The following MMS22L variants were observed in gnomAD, a reference collection of about 807,000 sequenced individuals.
MMS22L encodes MMS22 like, DNA repair protein, also known as protein MMS22-like.
A neutral mutation model predicts 159.1 loss-of-function variants in MMS22L; 74 were observed. The ratio of observed to expected loss-of-function variants is 0.47; its 90% CI spans 0.39 to 0.56. The LOEUF (loss-of-function observed/expected upper bound fraction) is 0.56. MMS22L is among the 20% of genes least tolerant of loss of function. The pLI is 0.00. For synonymous variants in MMS22L, 517 were observed against 506.9 expected, an observed-to-expected ratio of 1.02 and a Z score of -0.27; for missense variants, 1,351 against 1,422.1, an observed-to-expected ratio of 0.95 and a Z score of 0.80.
In MMS22L at chr6:97,165,412, A is replaced by T; in HGVS notation, c.3055T>A (p.Leu1019Met). The change falls in exon 21 of 25, where the codon TTG (leucine) becomes ATG (methionine). Residue 1019 changes from leucine (L) to methionine (M), a missense_variant. Physicochemically the swap from Leu to Met is conservative, Grantham distance 15 (BLOSUM62 2). Coordinates refer to ENST00000683635, the MANE Select transcript of MMS22L (RefSeq NM_001350599.2). ...CCQSQNPNAYLNQLLGNVIEQ... is the reference protein window; with the variant it reads ...CCQSQNPNAYMNQLLGNVIEQ... ...ATAACATTCCCTAGCAATTGATTCA[A>T]ATAGGCATTCGGATTTTGAGATTGA... 1 of 1,613,200 alleles carries T rather than the reference A, an allele frequency of 6.2e-7. No individual in the cohort carries two copies. Among genetic ancestry groups the T allele is most frequent in the Non-Finnish European group, 8.5e-7 (1 of 1,179,564 alleles).
At chr6:97,209,909 A>G (rs1425274928) in intron 14 of MMS22L, among the ~76,000 whole-genome samples, 1 of 151,980 alleles carries the variant, frequency 6.6e-6, no homozygotes, top group Non-Finnish European at 1.5e-5. Context: ...GTAATTTAGT[A>G]AAATTTAATT....
intron 14 of MMS22L, among the ~76,000 whole-genome samples, chr6:97,206,997 A>G (rs1186556009): frequency 6.6e-6 from 1 of 152,158 alleles, no homozygotes; most frequent in African/African-American, 2.4e-5. Flanking sequence ...AAGACAAGTA[A>G]AGGCCAAATT....
intron 6 of MMS22L, chr6:97,272,176 A>C (rs1359477600): frequency 1.3e-5 from 2 of 152,214 alleles, no homozygotes; most frequent in Admixed American, 6.6e-5. Context: ...AGTTTTAAAA[A>C]CCAAACTTCA....
At chr6:97,224,714 T>C (rs540442634) in intron 14 of MMS22L, among the ~76,000 whole-genome samples, 1 of 152,004 alleles carries the variant, frequency 6.6e-6, no homozygotes, top group Admixed American at 6.6e-5. Flanking sequence ...AGTTTGCAGA[T>C]TTCATTCATT....
intron 19 of MMS22L, among the ~76,000 whole-genome samples, chr6:97,169,957 A>G (rs1442242365): frequency 6.6e-6 from 1 of 152,104 alleles, no homozygotes; most frequent in East Asian, 1.9e-4. Flanking sequence ...GGATACCAAT[A>G]AGATATTTTG....
chr6:97,231,664 G>GAAA lies in MMS22L; in HGVS notation c.1303-15_1303-13dup. ...CTGAAGGAACTATTCTAAAAGGGGGGAAAAAAAAGATAGAAAACAATTATT... is the reference window on the plus strand; with the variant it reads ...CTGAAGGAACTATTCTAAAAGGGGGGAAAAAAAAAAAGATAGAAAACAATTATT... On this transcript the variant is annotated splice_polypyrimidine_tract_variant and intron_variant, in intron 12 of 24. Coordinates refer to ENST00000683635, the MANE Select transcript of MMS22L (RefSeq NM_001350599.2). 6.6e-7 allele frequency: 1 copy of GAAA among 1,511,894 alleles called. No homozygotes were observed. The highest frequency in any genetic ancestry group is 1.8e-5 in the Admixed American group (1 of 55,776). The allele number at this position is 1,511,894 out of a possible 1,614,324, so 93.7% of individuals were successfully genotyped here.
intron 15 of MMS22L, 87 bp from the exon 16 acceptor site, chr6:97,182,141 T>C (rs1455437130): frequency 1.2e-5 from 5 of 421,922 alleles, no homozygotes; most frequent in South Asian, 6.2e-5. Context: ...ATAACAAGTG[T>C]TTTTTTTTTT....
At chr6:97,249,725 ATTTTTT>A (rs66525517) in intron 10 of MMS22L, among the ~76,000 whole-genome samples, 3 of 130,404 alleles carry the variant, frequency 2.3e-5, no homozygotes, top group Non-Finnish European at 3.2e-5. Flanking sequence ...CCAATAACCA[ATTTTTT>A]TTTTTTTTTT....
chr6:97,190,761 T>G (rs992234167), intron 14 of MMS22L, among the ~76,000 whole-genome samples: 2 of 152,298 alleles, frequency 1.3e-5, no homozygotes, highest in African/African-American at 4.8e-5. Context: ...TCCAGAGCAG[T>G]GTGGCTTTGG....
At chr6:97,214,628 T>C (rs1024741122) in intron 14 of MMS22L, among the ~76,000 whole-genome samples, 3 of 151,466 alleles carry the variant, frequency 2.0e-5, no homozygotes, top group African/African-American at 7.3e-5. Flanking sequence ...AAATTACAGC[T>C]GTAGGAGTAA....
chr6:97,211,258 A>G lies in MMS22L; in HGVS notation c.2039+17636T>C, dbSNP rs531606993. 1.2e-4 allele frequency among the ~76,000 whole-genome samples: 19 copies of G among 152,200 alleles called. No individual in the cohort carries two copies. In the South Asian group the frequency reaches 3.9e-3, roughly 32 times the overall value. On this transcript the variant is annotated intron_variant, in intron 14 of 24. Transcript: ENST00000683635. Reference sequence around the variant, plus strand: ...CCTTAAAACTTTTACACATCCAAAAAAATACATAAAATGCAAATTTCAAGT... The same window carrying G: ...CCTTAAAACTTTTACACATCCAAAAGAATACATAAAATGCAAATTTCAAGT...
In MMS22L at chr6:97,173,091, T is replaced by A. The variant is rs763053318; in HGVS notation, c.2811A>T (p.Ala937=). ...KPYLGKKVFS[A]GLQLTYGMMG... ...TCATTCCATAAGTCAGCTGCAGCCC[T>A]GCACTGAAAACTTTTTTTCCCAAAT... The change falls in exon 19 of 25, where the codon GCA becomes GCT. Residue 937 remains alanine, a synonymous_variant. Transcript: ENST00000683635. 6.2e-7 allele frequency: 1 copy of A among 1,612,928 alleles called. No homozygotes were observed.
At chr6:97,210,113 T>TA (rs1297236724) in intron 14 of MMS22L, among the ~76,000 whole-genome samples, 1 of 151,912 alleles carries the variant, frequency 6.6e-6, no homozygotes, top group Non-Finnish European at 1.5e-5. Flanking sequence ...GTCCCAGAGT[T>TA]AGAGCTGAAT....
At position 97,178,456 on chromosome 6, in the gene MMS22L, A is replaced by T; in HGVS notation, c.2666T>A (p.Val889Asp). ...SISEDPKKAL[V>D]RFFEAVGVTY... Reference sequence around the variant, plus strand: ...AATGACAAATACCTCAAAGAATCGAACAAGTGCTTTTTTAGGGTCTTCTGA... The same window carrying T: ...AATGACAAATACCTCAAAGAATCGATCAAGTGCTTTTTTAGGGTCTTCTGA... The change falls in exon 18 of 25, where the codon GTT becomes GAT. Residue 889 changes from valine to aspartate, a missense_variant. Val to Asp is a radical substitution (Grantham distance 152). Coordinates refer to ENST00000683635, the MANE Select transcript of MMS22L (RefSeq NM_001350599.2). The T allele has an allele frequency of 6.4e-7, 1 of 1,553,466 alleles. No homozygotes were observed. Among genetic ancestry groups the T allele is most frequent in the South Asian group, 1.3e-5 (1 of 78,046 alleles).
intron 22 of MMS22L, among the ~76,000 whole-genome samples, chr6:97,161,236 T>G (rs1256773747): frequency 6.6e-6 from 1 of 152,030 alleles, no homozygotes; most frequent in African/African-American, 2.4e-5. Flanking sequence ...TAACCTCAGG[T>G]ACGCCCACAG....
At chr6:97,238,573 G>GTA (rs1811687552) in intron 11 of MMS22L, among the ~76,000 whole-genome samples, 1 of 1,552 alleles carries the variant, frequency 6.4e-4, no homozygotes, top group African/African-American at 1.3e-3. Flanking sequence ...GTCTCATCTC[G>GTA]TGTGTGTGTG....
chr6:97,184,807 C>T (rs1393786629), intron 15 of MMS22L, among the ~76,000 whole-genome samples: 1 of 152,122 alleles, frequency 6.6e-6, no homozygotes, highest in Non-Finnish European at 1.5e-5. Flanking sequence ...AGTCTAGCCT[C>T]AACCTAGCAG....
intron 10 of MMS22L, among the ~76,000 whole-genome samples, chr6:97,246,987 G>GAAAA: frequency 6.9e-6 from 1 of 144,086 alleles, no homozygotes; most frequent in African/African-American, 2.5e-5. Flanking sequence ...AATCCAACAG[G>GAAAA]AAAAAAAAAA....
chr6:97,147,500 G>A lies in MMS22L; in HGVS notation c.3651-613C>T, dbSNP rs529905669. Among the ~76,000 whole-genome samples, 5 of 152,284 alleles carry A rather than the reference G, an allele frequency of 3.3e-5. No individual in the cohort carries two copies. The South Asian group carries it at 8.3e-4, about 25-fold the overall frequency. On this transcript the variant is annotated intron_variant, in intron 24 of 24. Transcript: ENST00000683635. The stretch of plus-strand genomic sequence containing the variant: ...TTAGAACCAAACTTCTTATGGGCCT[G>A]CATAACCACACAAGGTAGTAGGCCA...
Sources: allele counts gnomAD v4.1 joint callset (sites outside exome capture counted in the v4.1 genomes callset), GRCh38; gene constraint gnomAD v4.1.1; transcripts MANE v1.5; gene names NCBI Gene and HGNC (gene_info 2026-07-23, HGNC 2026-07-21).